The following SDK2 variants were observed in gnomAD, a reference collection of about 807,000 sequenced individuals.
SDK2 encodes sidekick cell adhesion molecule 2.
In SDK2, 105 loss-of-function variants were observed where a neutral mutation model predicts 253.9. The observed-to-expected ratio is 0.41, with a 90% confidence interval of 0.35 to 0.49. SDK2 has a LOEUF of 0.49. Among genes scored for constraint, SDK2 ranks in the 20% least tolerant of loss-of-function variants. SDK2 has a pLI of 0.06. For missense variants in SDK2, 2,608 were observed against 3,003.0 expected (o/e 0.87, Z 3.07); for synonymous variants, 1,249 against 1,234.9 (o/e 1.01, Z -0.24).
At chr17:73,396,859 G>C (rs1410257310) in intron 24 of SDK2, among the ~76,000 whole-genome samples, 4 of 152,240 alleles carry the variant, frequency 2.6e-5, no homozygotes, top group Non-Finnish European at 5.9e-5. Context: ...TAGTCACACT[G>C]TGCACGGGGC....
At chr17:73,384,145 T>C (rs1254069232) in intron 32 of SDK2, 134 bp from the exon 33 acceptor site, 1 of 1,048,872 alleles carries the variant, frequency 9.5e-7, no homozygotes, top group Non-Finnish European at 1.4e-6. Context: ...AAGATAATAT[T>C]GGGCATTTTA....
chr17:73,552,762 T>A (rs984529842), intron 1 of SDK2, among the ~76,000 whole-genome samples: 2 of 152,232 alleles, frequency 1.3e-5, no homozygotes, highest in African/African-American at 4.8e-5. Flanking sequence ...TGTAGGCTGC[T>A]TCCCAGACGA....
intron 1 of SDK2, among the ~76,000 whole-genome samples, chr17:73,508,977 G>T (rs999154949): frequency 6.6e-6 from 1 of 152,212 alleles, no homozygotes; most frequent in South Asian, 2.1e-4. Flanking sequence ...AGCAGCCGGC[G>T]GGGAGGAGTC....
Position 73,348,651 on chromosome 17 carries a change from G to T in SDK2, c.6113C>A (p.Pro2038His). The change falls in exon 44 of 45, where the codon CCT (proline) becomes CAT (histidine). Residue 2038 changes from proline (P) to histidine (H), a missense_variant. Physicochemically the swap from Pro to His is moderately conservative, Grantham distance 77 (BLOSUM62 -2). Transcript: ENST00000392650. ...CTCCGTCAGGCTGCTGCTCTCTGCA[G>T]GGATGAGGTCGTTGTATTTGGTGAC... is the stretch of plus-strand genomic sequence containing the variant. ...EDVTKYNDLI[P>H]AESSSLTEKP... The T allele has an allele frequency of 6.2e-7, 1 of 1,613,008 alleles. No individual in the cohort carries two copies.
chr17:73,422,502 A>G, intron 14 of SDK2, 68 bp from the exon 15 acceptor site: 2 of 1,549,970 alleles, frequency 1.3e-6, no homozygotes, highest in Non-Finnish European at 1.8e-6. Context: ...CTTACTCCCC[A>G]CTCCCAGCAG....
At chr17:73,475,627 T>C (rs150536735) in intron 2 of SDK2, among the ~76,000 whole-genome samples, 36 of 152,148 alleles carry the variant, frequency 2.4e-4, no homozygotes, top group Non-Finnish European at 4.3e-4. Flanking sequence ...AATGAACACA[T>C]GTTATGAGAG....
At chr17:73,572,239 G>T (rs2045398924) in intron 1 of SDK2, among the ~76,000 whole-genome samples, 1 of 152,222 alleles carries the variant, frequency 6.6e-6, no homozygotes, top group East Asian at 1.9e-4. Context: ...GGGGGTGAGG[G>T]TGGGGTCCAC....
At chr17:73,502,733 T>A (rs1347891270) in intron 2 of SDK2, among the ~76,000 whole-genome samples, 1 of 152,220 alleles carries the variant, frequency 6.6e-6, no homozygotes, top group Non-Finnish European at 1.5e-5. Context: ...AATAACTGAT[T>A]CGGGTAAGAC....
At chr17:73,412,983 C>T (rs2063152121) in intron 18 of SDK2, among the ~76,000 whole-genome samples, 1 of 152,176 alleles carries the variant, frequency 6.6e-6, no homozygotes, top group African/African-American at 2.4e-5. Flanking sequence ...ATCCCCAGAA[C>T]TGTGCAAAAA....
chr17:73,600,989 G>A (rs1036311659), intron 1 of SDK2, among the ~76,000 whole-genome samples: 1 of 151,610 alleles, frequency 6.6e-6, no homozygotes, highest in South Asian at 2.1e-4. Context: ...GTGCCTTTAT[G>A]AATGATCTTT....
chr17:73,624,113 G>C (rs187026061), intron 1 of SDK2, among the ~76,000 whole-genome samples: 8 of 152,334 alleles, frequency 5.3e-5, no homozygotes, highest in Non-Finnish European at 7.3e-5. Context: ...CCCTCTGAGA[G>C]CAGAAAATTG....
At chr17:73,585,235 G>A (rs920114346) in intron 1 of SDK2, among the ~76,000 whole-genome samples, 2 of 152,252 alleles carry the variant, frequency 1.3e-5, no homozygotes, top group Admixed American at 1.3e-4. Flanking sequence ...ACCCAGAACT[G>A]TCTCAGAATG....
chr17:73,390,595 CGTG>C (rs2062920119), intron 28 of SDK2, 114 bp from the exon 29 acceptor site: 1 of 1,110,396 alleles, frequency 9.0e-7, no homozygotes. Flanking sequence ...GCCACCTTGC[CGTG>C]GTCCCTTTGG....
intron 1 of SDK2, among the ~76,000 whole-genome samples, chr17:73,565,795 A>G (rs776758100): frequency 6.6e-6 from 1 of 151,922 alleles, no homozygotes; most frequent in Non-Finnish European, 1.5e-5. Context: ...TCTGTTAGAG[A>G]GCTAGTTGTT....
intron 34 of SDK2, 77 bp downstream of exon 34, chr17:73,380,817 G>A (rs1382899168): frequency 5.4e-6 from 7 of 1,296,584 alleles, no homozygotes; most frequent in Admixed American, 2.0e-5. Flanking sequence ...CTGTGATCAG[G>A]TCTCTCAAGG....
In SDK2 at chr17:73,387,892, C is replaced by T. The variant is rs1318467320; in HGVS notation, c.4338G>A (p.Arg1446=). Residue 1446 remains arginine, a synonymous_variant, in exon 30 of 45, where the codon AGG becomes AGA. Coordinates refer to ENST00000392650, the MANE Select transcript of SDK2 (RefSeq NM_001144952.2). ...TIQTRELPSG[R]WALHSASVSH... is the part of the protein sequence containing the mutation. The stretch of plus-strand genomic sequence containing the variant: ...TCACGGAGGCCGAGTGCAGTGCCCA[C>T]CTGCCGCTGGGCAGCTCGCGGGTCT... 1.3e-6 allele frequency: 2 copies of T among 1,592,154 alleles called. No individual in the cohort carries two copies. The highest frequency in any genetic ancestry group is 2.3e-5 in the East Asian group (1 of 43,556).
In SDK2 at chr17:73,393,702, C is replaced by T; in HGVS notation, c.3756G>A (p.Leu1252=). 6.3e-7 allele frequency: 1 copy of T among 1,592,006 alleles called. No homozygotes were observed. The highest frequency in any genetic ancestry group is 8.6e-7 in the Non-Finnish European group (1 of 1,163,730). The part of the protein sequence containing the change: ...KDSDTQPRFW[L]VEGNSSRSAQ... ...CACTGCGAGACGAGTTGCCTTCCAC[C>T]AGCCAGAATCGGGGCTGGGTGTCCG... Residue 1252 remains leucine (L), a synonymous_variant, in exon 27 of 45, where the codon CTG becomes CTA. Coordinates refer to ENST00000392650, the MANE Select transcript of SDK2 (RefSeq NM_001144952.2).
chr17:73,536,169 C>T (rs1422100312), intron 1 of SDK2, among the ~76,000 whole-genome samples: 5 of 152,162 alleles, frequency 3.3e-5, no homozygotes, highest in Non-Finnish European at 2.9e-5. Context: ...CACTCACAGC[C>T]TTTAATATAG....
intron 6 of SDK2, 72 bp downstream of exon 6, chr17:73,440,739 TC>T: frequency 8.9e-7 from 1 of 1,123,332 alleles, no homozygotes; most frequent in Middle Eastern, 2.6e-4. Context: ...CTGGCTGCTC[TC>T]CCTGGAGCCC....
Sources: gnomAD v4.1 joint callset for allele counts (sites outside exome capture counted in the v4.1 genomes callset) on GRCh38, gnomAD v4.1.1 for gene constraint, MANE v1.5 for transcripts, NCBI Gene and HGNC (gene_info 2026-07-23, HGNC 2026-07-21) for gene names.